The following ATP2B1 variants were observed in gnomAD, a reference collection of about 807,000 sequenced individuals.
ATP2B1 encodes the protein plasma membrane calcium-transporting ATPase 1.
In ATP2B1, 14 loss-of-function variants were observed where a neutral mutation model predicts 124.2. The observed-to-expected ratio is 0.11, with a 90% CI of 0.07 to 0.18. The LOEUF is 0.18. Ranked by LOEUF, ATP2B1 falls within the 10% of genes least tolerant of loss-of-function variation. The pLI is 1.00. For synonymous variants in ATP2B1, 449 were observed against 492.4 expected, an observed-to-expected ratio of 0.91 and a Z score of 1.17; for missense variants, 763 against 1,466.1, an observed-to-expected ratio of 0.52 and a Z score of 7.83.
rs977935555 is a variant in ATP2B1, at chr12:89,590,821, T to G, written c.*163A>C. The G allele has an allele frequency of 4.8e-6, 4 of 825,162 alleles. No homozygotes were observed. In the African/African-American group the frequency reaches 7.0e-5, roughly 14 times the overall value. 51.1% of individuals were successfully genotyped at this position (825,162 alleles called of 1,614,324 possible). On this transcript the variant is annotated 3_prime_UTR_variant, in exon 21 of 21. Transcript: ENST00000428670. Reference sequence around the variant, plus strand: ...AGCACCCTCAGTCTGGCAGAAAGCTTTGCTTTTTTTTTTTTAAAAAAATAA... The same window carrying G: ...AGCACCCTCAGTCTGGCAGAAAGCTGTGCTTTTTTTTTTTTAAAAAAATAA...
intron 1 of ATP2B1, among the ~76,000 whole-genome samples, chr12:89,658,174 CTG>C (rs1886181405): frequency 6.6e-6 from 1 of 152,150 alleles, no homozygotes; most frequent in Non-Finnish European, 1.5e-5. Flanking sequence ...TAAGATAAGT[CTG>C]TGTGTTGAGG....
intron 6 of ATP2B1, 116 bp from the exon 7 acceptor site, chr12:89,627,832 T>A (rs1881141143): frequency 8.9e-7 from 1 of 1,128,456 alleles, no homozygotes; most frequent in South Asian, 1.4e-5. Context: ...TGTGTGTGTC[T>A]ACAGATTAGA....
intron 10 of ATP2B1, among the ~76,000 whole-genome samples, chr12:89,620,443 T>C (rs911985177): frequency 2.0e-5 from 3 of 152,202 alleles, no homozygotes; most frequent in African/African-American, 7.2e-5. Flanking sequence ...TCCTGCCAGT[T>C]ACTAGCTACG....
chr12:89,598,144 A>G (rs1342066029), intron 20 of ATP2B1, among the ~76,000 whole-genome samples: 1 of 151,982 alleles, frequency 6.6e-6, no homozygotes, highest in Non-Finnish European at 1.5e-5. Context: ...CTACTAACTT[A>G]CTTTCCAAAT....
intron 8 of ATP2B1, 146 bp downstream of exon 8, chr12:89,626,308 T>C: frequency 1.1e-6 from 1 of 878,310 alleles, no homozygotes; most frequent in Non-Finnish European, 1.7e-6. Flanking sequence ...AAGGGCCTGG[T>C]GCATTGTAGC....
chr12:89,626,633 T>A lies in ATP2B1; in HGVS notation c.968-18A>T. Reference sequence around the variant, plus strand: ...GGCTTTTGCTACATTTAAGAGCAAATAGAACTTCACTATACTTTAAAGGCA... The same window carrying A: ...GGCTTTTGCTACATTTAAGAGCAAAAAGAACTTCACTATACTTTAAAGGCA... On this transcript the variant is annotated intron_variant, in intron 7 of 20. Transcript: ENST00000428670. 6.3e-7 allele frequency: 1 copy of A among 1,577,742 alleles called. No homozygotes were observed.
At chr12:89,639,715 G>A (rs955432437) in intron 3 of ATP2B1, among the ~76,000 whole-genome samples, 31 of 152,120 alleles carry the variant, frequency 2.0e-4, no homozygotes, top group Admixed American at 1.4e-3. Context: ...GACAGCTCTA[G>A]ATTATCTTCT....
chr12:89,598,478 A>G, intron 20 of ATP2B1: 2 of 1,286,266 alleles, frequency 1.6e-6, no homozygotes, highest in East Asian at 4.9e-5. Flanking sequence ...ACGAAAAGAA[A>G]GCTTTATGAA....
chr12:89,594,216 A>G (rs954602056), intron 20 of ATP2B1: 2 of 152,194 alleles, frequency 1.3e-5, no homozygotes, highest in African/African-American at 2.4e-5. Context: ...TATAAAGAAC[A>G]TAAGAAAGCA....
chr12:89,637,416 A>ATTTTTTTTTTTTTTTTTTTTATT (rs112164038), intron 3 of ATP2B1, among the ~76,000 whole-genome samples: 1 of 149,542 alleles, frequency 6.7e-6, no homozygotes, highest in African/African-American at 2.4e-5. Context: ...TTAAATTTTA[A>ATTTTTTTTTTTTTTTTTTTTATT]TTTTTTCTTT....
At chr12:89,709,112 C>A (rs1050234712), upstream of ATP2B1, 1 of 150,776 alleles carries the variant, frequency 6.6e-6, no homozygotes, top group African/African-American at 2.4e-5. Context: ...CACCGGAGAG[C>A]GGACGGCCGA....
intron 19 of ATP2B1, among the ~76,000 whole-genome samples, chr12:89,599,578 T>C (rs989901288): frequency 3.3e-5 from 5 of 152,186 alleles, no homozygotes; most frequent in African/African-American, 1.2e-4. Flanking sequence ...GACAGTACAT[T>C]GTAAAACCAT....
chr12:89,639,246 G>A (rs1325027225), intron 3 of ATP2B1, among the ~76,000 whole-genome samples: 2 of 152,196 alleles, frequency 1.3e-5, no homozygotes, highest in Non-Finnish European at 2.9e-5. Context: ...GCTCATGCCT[G>A]TAATCTGAGC....
At chr12:89,597,538 G>C (rs2854373) in intron 20 of ATP2B1, among the ~76,000 whole-genome samples, 116,569 of 151,994 alleles carry the variant, frequency 0.77, 45,000 homozygotes, top group East Asian at 0.97. Flanking sequence ...GGAAAAAACA[G>C]GCATTAAGTG....
At chr12:89,690,392 G>T (rs1890430011) in intron 1 of ATP2B1, among the ~76,000 whole-genome samples, 1 of 150,406 alleles carries the variant, frequency 6.6e-6, no homozygotes. Context: ...TAATAAAGTG[G>T]GTAGCTCACA....
rs894063126 is a variant in ATP2B1 at position 89,620,143 on chromosome 12, T to C, written c.1685A>G (p.Asp562Gly). The C allele has an allele frequency of 9.9e-6, 16 of 1,614,124 alleles. No individual in the cohort carries two copies. The highest frequency in any genetic ancestry group is 1.7e-6 in the Non-Finnish European group (2 of 1,180,006). Residue 562 changes from aspartate to glycine, a missense_variant, in exon 11 of 21, where the codon GAT becomes GGT. Coordinates refer to ENST00000428670, the MANE Select transcript of ATP2B1 (RefSeq NM_001366521.1). ...TTCTTCTGGTATTTCATTTCTAACA[T>C]CCTGATAATCCCGTTTTAAATCCAA... Reference protein sequence around the residue: ...LLLDLKRDYQDVRNEIPEEAL... With the variant: ...LLLDLKRDYQGVRNEIPEEAL...
intron 1 of ATP2B1, among the ~76,000 whole-genome samples, chr12:89,658,598 G>GGAGAGA (rs67298800): frequency 0.074 from 5,116 of 69,404 alleles, 540 homozygotes; most frequent in East Asian, 0.12. Context: ...AATTCAAACA[G>GGAGAGA]GAGAGAGAGA....
chr12:89,637,571 A>C (rs1882899415), intron 3 of ATP2B1, among the ~76,000 whole-genome samples: 2 of 151,916 alleles, frequency 1.3e-5, no homozygotes, highest in African/African-American at 4.8e-5. Context: ...GCTCATTTTA[A>C]AATTTTCTGT....
chr12:89,636,457 T>C (rs767320407), intron 3 of ATP2B1, among the ~76,000 whole-genome samples: 4 of 152,228 alleles, frequency 2.6e-5, no homozygotes. Context: ...CATGAAGGAA[T>C]ACAGGCTTCT....
Sources: gnomAD v4.1 joint callset for allele counts (sites outside exome capture counted in the v4.1 genomes callset) on GRCh38, gnomAD v4.1.1 for gene constraint, MANE v1.5 for transcripts, NCBI Gene and HGNC (gene_info 2026-07-23, HGNC 2026-07-21) for gene names.